The following PAPLN variants were observed in gnomAD, a reference collection of about 807,000 sequenced individuals.
The protein encoded by PAPLN is papilin, proteoglycan like sulfated glycoprotein.
PAPLN carries 146 observed loss-of-function variants against 159.0 expected under a neutral mutation model. The observed-to-expected ratio is 0.92, with a 90% CI of 0.80 to 1.05. PAPLN has a LOEUF of 1.05. Ranked by LOEUF, PAPLN falls within the 50% of genes least tolerant of loss-of-function variation. The probability of loss-of-function intolerance (pLI) is 0.00; values close to 1 mark genes in which losing one functional copy is unlikely to be tolerated. For missense variants in PAPLN, 1,720 were observed against 1,743.9 expected (o/e 0.99, Z 0.24); for synonymous variants, 734 against 702.9 (o/e 1.04, Z -0.70).
intron 26 of PAPLN, among the ~76,000 whole-genome samples, chr14:73,271,741 C>T (rs1445495043): frequency 6.6e-6 from 1 of 152,204 alleles, no homozygotes; most frequent in Non-Finnish European, 1.5e-5. Context: ...ACCTCGTGAT[C>T]CGCCCGCCTT....
rs758988803 is a variant in PAPLN at position 73,259,031 on chromosome 14, G to A, written c.1680G>A (p.Pro560=). The A allele has an allele frequency of 1.5e-5, 24 of 1,612,456 alleles. No individual in the cohort carries two copies. Among genetic ancestry groups the A allele is most frequent in the East Asian group, 6.7e-5 (3 of 44,822 alleles). The part of the protein sequence containing the change: ...VHTPASNPWM[P]LGPQESPASD... Reference sequence around the variant, plus strand: ...CCCCTGCCAGCAACCCCTGGATGCCGTTGGGCCCTCAGGAGTCCCCTGCCT... The same window carrying A: ...CCCCTGCCAGCAACCCCTGGATGCCATTGGGCCCTCAGGAGTCCCCTGCCT... The change falls in exon 15 of 27, where the codon CCG becomes CCA. Residue 560 remains proline (P), a synonymous_variant. Coordinates refer to ENST00000644200, the MANE Select transcript of PAPLN (RefSeq NM_001365906.3).
intron 14 of PAPLN, among the ~76,000 whole-genome samples, chr14:73,256,898 T>A (rs906454138): frequency 2.0e-5 from 3 of 150,766 alleles, no homozygotes; most frequent in African/African-American, 7.3e-5. Flanking sequence ...ATAAAAAGAT[T>A]AAAAAAAAAA....
chr14:73,272,366 A>C, intron 26 of PAPLN, 129 bp from the exon 27 acceptor site: 14 of 810,072 alleles, frequency 1.7e-5, no homozygotes, highest in Non-Finnish European at 2.3e-5. Flanking sequence ...GTTACAGGGT[A>C]AGTGCACTTC....
At position 73,262,764 on chromosome 14, in the gene PAPLN, G is replaced by C; in HGVS notation, c.2660G>C (p.Arg887Thr). Residue 887 changes from arginine (R) to threonine (T), a missense_variant, in exon 19 of 27, where the codon AGG becomes ACG. Physicochemically the swap from Arg to Thr is moderately conservative, Grantham distance 71. Transcript: ENST00000644200. ...CCATGGGGGCAGGAGCTTGGGTCCA[G>C]GGCCCCTGGACTGGGTGGAGATGCC... ...EWPWGQELGS[R>T]APGLGGDAGS... is the part of the protein sequence containing the mutation. 6.6e-7 allele frequency: 1 copy of C among 1,510,990 alleles called. No individual in the cohort carries two copies. The highest frequency in any genetic ancestry group is 8.8e-7 in the Non-Finnish European group (1 of 1,135,008). The allele number at this position is 1,510,990 out of a possible 1,614,324, so 93.6% of individuals were successfully genotyped here.
intron 19 of PAPLN, 38 bp downstream of exon 19, chr14:73,262,865 C>T: frequency 7.1e-7 from 1 of 1,411,266 alleles, no homozygotes; most frequent in Non-Finnish European, 9.3e-7. Context: ...GGTTAGGACG[C>T]CCAGACAAGG....
In PAPLN at chr14:73,257,753, C is replaced by CTTTTTTTTTTTTTTTTTTTT. The variant is rs562890068; in HGVS notation, c.1628-1217_1628-1198dup. ...GTTTTCATTATCTAGTCTCTTTCTT[C>CTTTTTTTTTTTTTTTTTTTT]TTTTTTTTTTTTTTTTTTTTTTTTT... is the stretch of plus-strand genomic sequence containing the variant. On this transcript the variant is annotated intron_variant, in intron 14 of 26. Transcript: ENST00000644200. Among the ~76,000 whole-genome samples the CTTTTTTTTTTTTTTTTTTTT allele has an allele frequency of 1.1e-4, 10 of 91,256 alleles. 1 individual carries two copies. Among genetic ancestry groups the CTTTTTTTTTTTTTTTTTTTT allele is most frequent in the East Asian group, 9.7e-4 (2 of 2,054 alleles). 59.9% of individuals were successfully genotyped at this position (91,256 alleles called of 152,430 possible). A position where few individuals can be genotyped will look rare whatever the true frequency, so the allele number is the denominator to read the frequency against.
At position 73,254,996 on chromosome 14, in the gene PAPLN, G is replaced by A. The variant is rs745925730; in HGVS notation, c.1605G>A (p.Thr535=). ...CTGTGGATGTGGAGCCTTGTAACAC[G>A]CAGCCCTGTCATCTCCCCCAGGGTA... The part of the protein sequence containing the change: ...SKPVDVEPCN[T]QPCHLPQEVP... The change falls in exon 14 of 27, where the codon ACG becomes ACA. Residue 535 remains threonine, a synonymous_variant. Transcript: ENST00000644200. 7.4e-6 allele frequency: 12 copies of A among 1,613,448 alleles called. No homozygotes were observed. Among genetic ancestry groups the A allele is most frequent in the African/African-American group, 1.3e-5 (1 of 74,922 alleles).
rs1294753614 is a variant in PAPLN at position 73,258,960 on chromosome 14, A to G, written c.1628-19A>G. ...CTTCCTCCCTCTCCGTCCCACATGG[A>G]CCTCCCGGCTCCCTGCAGAGGTCCC... On this transcript the variant is annotated intron_variant, in intron 14 of 26. Transcript: ENST00000644200. 3 of 1,596,702 alleles carry G rather than the reference A, an allele frequency of 1.9e-6. No individual in the cohort carries two copies. The highest frequency in any genetic ancestry group is 2.6e-6 in the Non-Finnish European group (3 of 1,171,576).
rs146835385 is a variant in PAPLN at position 73,267,138 on chromosome 14, C to T, written c.3500+307C>T. ...GCAGGATGTTTAGCAGCATCCAGGG[C>T]ATCTACCCACTAGATGCCAGGGGCA... On this transcript the variant is annotated intron_variant, in intron 25 of 26. Coordinates refer to ENST00000644200, the MANE Select transcript of PAPLN (RefSeq NM_001365906.3). 2.4e-3 allele frequency among the ~76,000 whole-genome samples: 371 copies of T among 152,266 alleles called. 3 individuals are homozygous for T. The highest frequency in any genetic ancestry group is 8.4e-3 in the African/African-American group (351 of 41,550).
chr14:73,274,529 T>C lies in PAPLN; in HGVS notation c.*1865T>C, dbSNP rs914683981. On this transcript the variant is annotated 3_prime_UTR_variant, in exon 27 of 27. Coordinates refer to ENST00000644200, the MANE Select transcript of PAPLN (RefSeq NM_001365906.3). ...ATGTGGGCTGGGGCAGAGGTCTTTT[T>C]TCATTTAATACTGGAAAAATATTGA... 1 of 152,226 alleles carries C rather than the reference T, an allele frequency of 6.6e-6. No individual in the cohort carries two copies. Among genetic ancestry groups the C allele is most frequent in the Non-Finnish European group, 1.5e-5 (1 of 68,040 alleles). 9.4% of individuals were successfully genotyped at this position (152,226 alleles called of 1,614,324 possible).
chr14:73,246,642 C>CTTTTTTTTTTTTTTTT (rs60063397), intron 5 of PAPLN, among the ~76,000 whole-genome samples: 2 of 116,860 alleles, frequency 1.7e-5, no homozygotes, highest in Non-Finnish European at 3.6e-5. Context: ...TTCTTTCTTT[C>CTTTTTTTTTTTTTTTT]TTTTTTTTTT....
intron 3 of PAPLN, 37 bp downstream of exon 3, chr14:73,244,796 G>A: frequency 6.8e-7 from 1 of 1,474,790 alleles, no homozygotes; most frequent in African/African-American, 1.4e-5. Context: ...TGTTAAAGCA[G>A]GAGCAGGGGA....
rs182015511 is a variant in PAPLN, at chr14:73,249,907, G to T, written c.335-77G>T. On this transcript the variant is annotated intron_variant, in intron 5 of 26. Transcript: ENST00000644200. Reference sequence around the variant, plus strand: ...GCTTTCTGACCCATGCTTTCCTGTTGCTAGGGTAAGCCTTGGGTCTTGGGG... The same window carrying T: ...GCTTTCTGACCCATGCTTTCCTGTTTCTAGGGTAAGCCTTGGGTCTTGGGG... 168 of 1,466,060 alleles carry T rather than the reference G, an allele frequency of 1.1e-4. No homozygotes were observed. The highest frequency in any genetic ancestry group is 1.3e-4 in the Non-Finnish European group (148 of 1,104,294). The allele number at this position is 1,466,060 out of a possible 1,614,324, so 90.8% of individuals were successfully genotyped here. A position where few individuals can be genotyped will look rare whatever the true frequency, so the allele number is the denominator to read the frequency against.
intron 23 of PAPLN, 72 bp from the exon 24 acceptor site, chr14:73,266,429 G>A (rs1330820682): frequency 1.3e-6 from 2 of 1,566,106 alleles, no homozygotes; most frequent in African/African-American, 2.7e-5. Flanking sequence ...CTGACCCCAT[G>A]CTCGAGGGAC....
At chr14:73,252,181 T>C in intron 10 of PAPLN, 40 bp downstream of exon 10, 1 of 1,537,246 alleles carries the variant, frequency 6.5e-7, no homozygotes, top group East Asian at 2.4e-5. Flanking sequence ...ATGGGCCCTG[T>C]GTGCTGGATC....
At position 73,262,479 on chromosome 14, in the gene PAPLN, A is replaced by G. The variant is rs1487895014; in HGVS notation, c.2375A>G (p.Asn792Ser). 2.9e-5 allele frequency: 47 copies of G among 1,606,316 alleles called. 1 individual carries two copies. In the Admixed American group the frequency reaches 6.7e-4, roughly 23 times the overall value. The change falls in exon 19 of 27, where the codon AAT (asparagine) becomes AGT (serine). Residue 792 changes from asparagine (N) to serine (S), a missense_variant. Physicochemically the swap from Asn to Ser is conservative, Grantham distance 46. Transcript: ENST00000644200. ...FWYGGCHGNANNFASEQECMS... is the reference protein window; with the variant it reads ...FWYGGCHGNASNFASEQECMS... ...TATGGCGGCTGCCATGGCAATGCCAATAACTTTGCCTCGGAGCAAGAGTGC... is the reference window on the plus strand; with the variant it reads ...TATGGCGGCTGCCATGGCAATGCCAGTAACTTTGCCTCGGAGCAAGAGTGC...
chr14:73,262,504 C>T lies in PAPLN; in HGVS notation c.2400C>T (p.Cys800=), dbSNP rs1367936607. 2.5e-6 allele frequency: 4 copies of T among 1,587,322 alleles called. No homozygotes were observed. The East Asian group carries it at 9.2e-5, about 37-fold the overall frequency. The stretch of plus-strand genomic sequence containing the variant: ...ATAACTTTGCCTCGGAGCAAGAGTG[C>T]ATGAGCAGCTGCCAGGGATCTCTCC... ...NANNFASEQE[C]MSSCQGSLHG... is the part of the protein sequence containing the mutation. Residue 800 remains cysteine, a synonymous_variant, in exon 19 of 27, where the codon TGC becomes TGT. Coordinates refer to ENST00000644200, the MANE Select transcript of PAPLN (RefSeq NM_001365906.3).
chr14:73,251,516 G>A lies in PAPLN; in HGVS notation c.620G>A (p.Gly207Asp). 2 of 1,610,458 alleles carry A rather than the reference G, an allele frequency of 1.2e-6. No homozygotes were observed. The highest frequency in any genetic ancestry group is 1.3e-5 in the African/African-American group (1 of 75,014). ...AACCAGATCCTCATAGTTCCCATGG[G>A]TGCCACCAGCATCCTCATCGACGAG... The part of the protein sequence containing the change: ...GYNQILIVPM[G>D]ATSILIDEAA... Residue 207 changes from glycine to aspartate, a missense_variant, in exon 8 of 27, where the codon GGT (glycine) becomes GAT (aspartate). Physicochemically the swap from Gly to Asp is moderately conservative, Grantham distance 94. Transcript: ENST00000644200.
Position 73,250,975 on chromosome 14 carries a change from C to G in PAPLN, c.534C>G (p.Asp178Glu). 6.2e-7 allele frequency: 1 copy of G among 1,613,630 alleles called. No individual in the cohort carries two copies. Among genetic ancestry groups the G allele is most frequent in the Non-Finnish European group, 8.5e-7 (1 of 1,179,840 alleles). ...ACAAGTGTCTGCGGTGTGGGGGTGA[C>G]GGCACGACCTGCTACCCCGTCGCAG... ...QEDKCLRCGG[D>E]GTTCYPVAGT... is the part of the protein sequence containing the mutation. The change falls in exon 7 of 27, where the codon GAC (aspartate) becomes GAG (glutamate). Residue 178 changes from aspartate (D) to glutamate (E), a missense_variant. Asp to Glu is a conservative substitution (Grantham distance 45). Coordinates refer to ENST00000644200, the MANE Select transcript of PAPLN (RefSeq NM_001365906.3).
Sources: allele counts gnomAD v4.1 joint callset (sites outside exome capture counted in the v4.1 genomes callset), GRCh38; gene constraint gnomAD v4.1.1; transcripts MANE v1.5; gene names NCBI Gene and HGNC (gene_info 2026-07-23, HGNC 2026-07-21).